The following CNTNAP2 variants were observed in gnomAD, a reference collection of about 807,000 sequenced individuals.
CNTNAP2 encodes contactin-associated protein-like 2.
A neutral mutation model predicts 155.2 loss-of-function variants in CNTNAP2; 98 were observed. The ratio of observed to expected loss-of-function variants is 0.63; its 90% CI spans 0.54 to 0.75. The LOEUF (loss-of-function observed/expected upper bound fraction) is 0.75, where lower values mean the gene tolerates loss of function less well. CNTNAP2 is among the 30% of genes least tolerant of loss of function. CNTNAP2 has a pLI of 0.00. For missense variants in CNTNAP2, 1,727 were observed against 1,688.1 expected, an observed-to-expected ratio of 1.02 and a Z score of -0.40; for synonymous variants, 651 against 631.2, an observed-to-expected ratio of 1.03 and a Z score of -0.47.
At chr7:146,532,345 G>A (rs994275675) in intron 1 of CNTNAP2, among the ~76,000 whole-genome samples, 5 of 152,164 alleles carry the variant, frequency 3.3e-5, no homozygotes, top group African/African-American at 4.8e-5. Flanking sequence ...ATGGAAAAGT[G>A]TGTTGATGGG....
intron 1 of CNTNAP2, among the ~76,000 whole-genome samples, chr7:146,297,271 T>A (rs1463662964): frequency 6.6e-6 from 1 of 152,112 alleles, no homozygotes; most frequent in Non-Finnish European, 1.5e-5. Flanking sequence ...TGTTTTCTTG[T>A]TCCATAAAGA....
chr7:147,154,853 GAAAC>G (rs1331746796), intron 8 of CNTNAP2, among the ~76,000 whole-genome samples: 1 of 151,484 alleles, frequency 6.6e-6, no homozygotes, highest in Non-Finnish European at 1.5e-5. Context: ...AAAAAAAAAA[GAAAC>G]AAAAACATAT....
chr7:148,331,489 GGACAGATGGAGTT>G (rs1798010195), intron 21 of CNTNAP2, among the ~76,000 whole-genome samples: 2 of 141,022 alleles, frequency 1.4e-5, no homozygotes, highest in African/African-American at 2.7e-5. Flanking sequence ...CGGATGGAAT[GGACAGATGGAGTT>G]GATGGATGGA....
At chr7:148,315,488 G>A (rs564526541) in intron 21 of CNTNAP2, among the ~76,000 whole-genome samples, 8 of 152,248 alleles carry the variant, frequency 5.3e-5, no homozygotes, top group African/African-American at 1.9e-4. Flanking sequence ...CATCAGTTAA[G>A]GCAGGAACAG....
chr7:147,071,170 C>T (rs367575011), intron 4 of CNTNAP2, among the ~76,000 whole-genome samples: 7 of 152,190 alleles, frequency 4.6e-5, no homozygotes, highest in East Asian at 3.9e-4. Flanking sequence ...ATAATTTCAT[C>T]GGCAAATGGC....
Position 147,527,369 on chromosome 7 carries a change from T to A in CNTNAP2, c.1778-34769T>A, listed in dbSNP as rs569022929. Among the ~76,000 whole-genome samples the A allele has an allele frequency of 1.2e-4, 19 of 152,164 alleles. No individual in the cohort carries two copies. In the South Asian group the frequency reaches 3.7e-3, roughly 30 times the overall value. On this transcript the variant is annotated intron_variant, in intron 11 of 23. Coordinates refer to ENST00000361727, the MANE Select transcript of CNTNAP2 (RefSeq NM_014141.6). ...ATTTTATAAATTAGAAAACCAAGGTTTAGAAATCTTAGAGAGCATACCCAA... is the reference window on the plus strand; with the variant it reads ...ATTTTATAAATTAGAAAACCAAGGTATAGAAATCTTAGAGAGCATACCCAA...
At chr7:147,293,635 G>A (rs1805358953) in intron 8 of CNTNAP2, among the ~76,000 whole-genome samples, 1 of 151,964 alleles carries the variant, frequency 6.6e-6, no homozygotes, top group African/African-American at 2.4e-5. Flanking sequence ...GTTACATCTT[G>A]GTTTGCCATT....
chr7:147,668,542 C>G (rs1367525417), intron 13 of CNTNAP2, among the ~76,000 whole-genome samples: 2 of 152,014 alleles, frequency 1.3e-5, no homozygotes, highest in Non-Finnish European at 2.9e-5. Flanking sequence ...AGTAGTGACC[C>G]TAACCCTTTA....
rs373330875 is a variant in CNTNAP2 at position 147,812,610 on chromosome 7, T to G, written c.2099-90955T>G. 6.0e-3 allele frequency among the ~76,000 whole-genome samples: 903 copies of G among 151,718 alleles called. 14 individuals carry two copies. The highest frequency in any genetic ancestry group is 0.021 in the African/African-American group (855 of 41,422). On this transcript the variant is annotated intron_variant, in intron 13 of 23. Transcript: ENST00000361727. ...CCCTCCCCACCCTATCCGTTCAATA[T>G]CCTGCCACTCTGGCACCATCCCAGC...
At chr7:146,895,779 C>T (rs1795865904) in intron 3 of CNTNAP2, among the ~76,000 whole-genome samples, 1 of 152,012 alleles carries the variant, frequency 6.6e-6, no homozygotes, top group Admixed American at 6.6e-5. Context: ...GTCATATCTC[C>T]AAAGTTAACT....
At chr7:147,152,858 C>T (rs1801853286) in intron 8 of CNTNAP2, among the ~76,000 whole-genome samples, 1 of 152,046 alleles carries the variant, frequency 6.6e-6, no homozygotes, top group Admixed American at 6.6e-5. Flanking sequence ...CTCAGATGTT[C>T]AGAGAACAGC....
chr7:146,671,972 C>T (rs992201889), intron 1 of CNTNAP2, among the ~76,000 whole-genome samples: 1 of 151,984 alleles, frequency 6.6e-6, no homozygotes, highest in Admixed American at 6.6e-5. Flanking sequence ...CCTGCCACTG[C>T]ACCCAAATAA....
intron 11 of CNTNAP2, among the ~76,000 whole-genome samples, chr7:147,529,478 A>C (rs566186585): frequency 6.6e-6 from 1 of 152,140 alleles, no homozygotes; most frequent in Non-Finnish European, 1.5e-5. Flanking sequence ...AGGCTACAAC[A>C]TAACACTGTG....
chr7:147,499,970 A>T (rs1293754787), intron 11 of CNTNAP2, among the ~76,000 whole-genome samples: 1 of 152,178 alleles, frequency 6.6e-6, no homozygotes, highest in African/African-American at 2.4e-5. Context: ...GTAGAAATGT[A>T]TCTATTTTTA....
At chr7:146,896,975 A>G (rs933303614) in intron 3 of CNTNAP2, among the ~76,000 whole-genome samples, 3 of 152,138 alleles carry the variant, frequency 2.0e-5, no homozygotes, top group Non-Finnish European at 4.4e-5. Flanking sequence ...TGTAAGGGCA[A>G]TATTTTGAAA....
intron 8 of CNTNAP2, among the ~76,000 whole-genome samples, chr7:147,272,717 C>A (rs189684369): frequency 0.014 from 2,043 of 149,454 alleles, 33 homozygotes; most frequent in Non-Finnish European, 0.019. Flanking sequence ...CCGTGTTAGC[C>A]AGGATGCTCT....
At chr7:147,479,987 T>C (rs973076949) in intron 10 of CNTNAP2, among the ~76,000 whole-genome samples, 1 of 152,096 alleles carries the variant, frequency 6.6e-6, no homozygotes, top group Non-Finnish European at 1.5e-5. Flanking sequence ...AGACACTCCA[T>C]AGAGAATATC....
At chr7:147,949,247 A>T (rs1800877989) in intron 14 of CNTNAP2, among the ~76,000 whole-genome samples, 1 of 151,764 alleles carries the variant, frequency 6.6e-6, no homozygotes, top group African/African-American at 2.4e-5. Flanking sequence ...GAAAAGAAAA[A>T]TATATTTACT....
chr7:146,237,937 A>G (rs1296506184), intron 1 of CNTNAP2, among the ~76,000 whole-genome samples: 1 of 152,224 alleles, frequency 6.6e-6, no homozygotes, highest in Non-Finnish European at 1.5e-5. Flanking sequence ...AAAAATAAAT[A>G]GTTGTTCTAC....
Sources: gnomAD v4.1 joint callset for allele counts (sites outside exome capture counted in the v4.1 genomes callset) on GRCh38, gnomAD v4.1.1 for gene constraint, MANE v1.5 for transcripts, NCBI Gene and HGNC (gene_info 2026-07-23, HGNC 2026-07-21) for gene names.